The following GPR143 variants were observed in gnomAD, a reference collection of about 807,000 sequenced individuals.
GPR143 encodes the protein G protein-coupled receptor 143.
GPR143 carries 8 observed loss-of-function variants against 27.6 expected under a neutral mutation model. The observed-to-expected ratio is 0.29, with a 90% CI of 0.17 to 0.52. The LOEUF (loss-of-function observed/expected upper bound fraction) is 0.52, where lower values mean the gene tolerates loss of function less well. Among genes scored for constraint, GPR143 ranks in the 20% least tolerant of loss-of-function variants. The pLI, the probability that GPR143 is intolerant of heterozygous loss-of-function variation, is 0.96. For synonymous variants in GPR143, 156 were observed against 153.2 expected (o/e 1.02, Z -0.13); for missense variants, 303 against 343.1 (o/e 0.88, Z 0.92).
At chrX:9,776,611 A>G (rs755686346) in intron 1 of GPR143, among the ~76,000 whole-genome samples, 10 of 97,231 alleles carry the variant, frequency 1.0e-4, no homozygotes, top group Non-Finnish European at 1.8e-4. Flanking sequence ...CTGGTCTTGA[A>G]CTCCTGGCCT....
chrX:9,769,481 G>C (rs933423933), upstream of GPR143, among the ~76,000 whole-genome samples: 2 of 112,318 alleles, frequency 1.8e-5, no homozygotes, highest in East Asian at 5.5e-4. Flanking sequence ...ATATCCCTTA[G>C]AATCCAGTAG....
chrX:9,763,105 T>G (rs774812558), intron 1 of GPR143, among the ~76,000 whole-genome samples: 24 of 109,019 alleles, frequency 2.2e-4, no homozygotes, highest in African/African-American at 5.3e-4. Context: ...TTTTGTTGTT[T>G]TTTTTTTCTT....
At chrX:9,765,986 A>G (rs2083531498), upstream of GPR143, 12 of 407,186 alleles carry the variant, frequency 2.9e-5, no homozygotes, top group Non-Finnish European at 4.5e-5. Context: ...GCACTGGGCT[A>G]ACGCCACGAG....
intron 3 of GPR143, among the ~76,000 whole-genome samples, chrX:9,758,781 A>C (rs941238830): frequency 7.2e-5 from 8 of 110,700 alleles, no homozygotes; most frequent in African/African-American, 2.0e-4. Context: ...CTACAGACTG[A>C]GGAGGCCGAG....
chrX:9,753,672 C>G (rs1222396235), intron 3 of GPR143, among the ~76,000 whole-genome samples: 2 of 111,417 alleles, frequency 1.8e-5, no homozygotes, highest in African/African-American at 6.5e-5. Context: ...TGGGCCCTCA[C>G]AGCCCCCCAG....
intron 7 of GPR143, 135 bp from the exon 8 acceptor site, chrX:9,739,854 G>A: frequency 1.9e-6 from 1 of 519,025 alleles, no homozygotes; most frequent in Non-Finnish European, 3.4e-6. Context: ...CCATGGGTTG[G>A]CTGGTGGCTG....
In GPR143 at chrX:9,740,707, T is replaced by A. The variant is rs143748461; in HGVS notation, c.885+631A>T. Reference sequence around the variant, plus strand: ...ATCATTTTTAACATCTGAGTAATAGTCCATCAAGATGAAAGACCATAATTT... The same window carrying A: ...ATCATTTTTAACATCTGAGTAATAGACCATCAAGATGAAAGACCATAATTT... On this transcript the variant is annotated intron_variant, in intron 7 of 8. Transcript: ENST00000467482. 4.6e-3 allele frequency: 1,353 copies of A among 293,068 alleles called. 19 individuals carry two copies. The highest frequency in any genetic ancestry group is 0.034 in the African/African-American group (1,250 of 36,297). The allele number at this position is 293,068 out of a possible 1,213,427, so 24.2% of individuals were successfully genotyped here.
intron 1 of GPR143, among the ~76,000 whole-genome samples, chrX:9,764,501 C>T (rs866089657): frequency 5.3e-4 from 17 of 32,288 alleles, no homozygotes; most frequent in African/African-American, 2.2e-3. Context: ...AATTTACACA[C>T]GCGCACACAC....
At chrX:9,753,906 T>G (rs1305463142) in intron 3 of GPR143, among the ~76,000 whole-genome samples, 1 of 111,833 alleles carries the variant, frequency 8.9e-6, no homozygotes, top group Admixed American at 9.5e-5. Context: ...GCTGGCATTC[T>G]TGCACAGTCT....
At chrX:9,748,789 CAA>C in intron 3 of GPR143, 123 bp from the exon 4 acceptor site, 1 of 509,194 alleles carries the variant, frequency 2.0e-6, no homozygotes, top group Non-Finnish European at 3.6e-6. Flanking sequence ...AGCCCCTCGG[CAA>C]AGAGTTTCCT....
intron 4 of GPR143, among the ~76,000 whole-genome samples, chrX:9,747,456 G>C (rs375018605): frequency 1.3e-3 from 147 of 111,312 alleles, no homozygotes; most frequent in Non-Finnish European, 2.4e-3. Flanking sequence ...ACAGGCGAGG[G>C]AGAGTCACAG....
chrX:9,774,805 A>G (rs73473823), intron 1 of GPR143, among the ~76,000 whole-genome samples: 21,191 of 111,685 alleles, frequency 0.19, 1,704 homozygotes, highest in African/African-American at 0.29. Context: ...TTCTCCTCCC[A>G]GGGGAATTTG....
intron 3 of GPR143, among the ~76,000 whole-genome samples, chrX:9,749,232 C>CT (rs202148920): frequency 0.061 from 6,349 of 104,540 alleles, 535 homozygotes; most frequent in African/African-American, 0.23. Context: ...TCCCTCCCCC[C>CT]CCAACCCCCT....
At chrX:9,749,837 G>A (rs1436789785) in intron 3 of GPR143, among the ~76,000 whole-genome samples, 3 of 111,698 alleles carry the variant, frequency 2.7e-5, no homozygotes, top group African/African-American at 9.8e-5. Flanking sequence ...GTGCAATCTC[G>A]GCTCACTGCA....
intron 8 of GPR143, among the ~76,000 whole-genome samples, chrX:9,732,865 C>CA (rs34622284): frequency 0.076 from 3,635 of 48,017 alleles, 330 homozygotes; most frequent in African/African-American, 0.25. Context: ...AACTCCATCT[C>CA]AAAAAAAAAA....
upstream of GPR143, among the ~76,000 whole-genome samples, chrX:9,766,651 A>G (rs773042589): frequency 2.7e-5 from 3 of 111,778 alleles, no homozygotes; most frequent in East Asian, 8.4e-4. Flanking sequence ...GCTTGAGCCC[A>G]GGAGGTGGAG....
In GPR143 at chrX:9,725,646, A is replaced by G; in HGVS notation, c.*100T>C. On this transcript the variant is annotated 3_prime_UTR_variant, in exon 9 of 9. Transcript: ENST00000467482. ...GAGAGCAAGGTTTGGGGGCCGCTACACTTCGGCAGTGCAGTGTTGGGAAGG... is the reference window on the plus strand; with the variant it reads ...GAGAGCAAGGTTTGGGGGCCGCTACGCTTCGGCAGTGCAGTGTTGGGAAGG... 3.1e-6 allele frequency: 2 copies of G among 646,607 alleles called. No individual in the cohort carries two copies. Among genetic ancestry groups the G allele is most frequent in the East Asian group, 3.5e-5 (1 of 28,695 alleles). The allele number at this position is 646,607 out of a possible 1,213,427, so 53.3% of individuals were successfully genotyped here.
chrX:9,744,227 T>C (rs1272757990), intron 5 of GPR143, among the ~76,000 whole-genome samples: 1 of 110,217 alleles, frequency 9.1e-6, no homozygotes, highest in Non-Finnish European at 1.9e-5. Context: ...ATCCCAGCTA[T>C]CCGGGAGGCT....
At chrX:9,738,392 T>G in intron 8 of GPR143, 1 of 746,406 alleles carries the variant, frequency 1.3e-6, no homozygotes, top group East Asian at 1.5e-4. Context: ...GGTGGGTCCC[T>G]CATGCTTCGT....
Sources: allele counts gnomAD v4.1 joint callset (sites outside exome capture counted in the v4.1 genomes callset), GRCh38; gene constraint gnomAD v4.1.1; transcripts MANE v1.5; gene names NCBI Gene and HGNC (gene_info 2026-07-23, HGNC 2026-07-21).